Variants in NALF1 observed in about 807,000 individuals in gnomAD.
The protein encoded by NALF1 is NALCN channel auxiliary factor 1.
In NALF1, 3 loss-of-function variants were observed where a neutral mutation model predicts 48.4. That is an observed-to-expected ratio of 0.06 (90% CI 0.03 to 0.16). NALF1 has a LOEUF of 0.16. Among genes scored for constraint, NALF1 ranks in the 10% least tolerant of loss-of-function variants. NALF1 has a pLI of 1.00. For synonymous variants in NALF1, 262 were observed against 245.7 expected (o/e 1.07, Z -0.62); for missense variants, 526 against 571.5 (o/e 0.92, Z 0.81).
intron 1 of NALF1, among the ~76,000 whole-genome samples, chr13:107,268,919 G>T (rs182321248): frequency 6.6e-6 from 1 of 152,204 alleles, no homozygotes; most frequent in East Asian, 1.9e-4. Context: ...TTCTCTGAGG[G>T]TAGTTTATTT....
chr13:107,865,531 C>T, intron 1 of NALF1, 151 bp downstream of exon 1: 2 of 1,085,714 alleles, frequency 1.8e-6, no homozygotes, highest in Non-Finnish European at 2.6e-6. Context: ...GTATTCTCAT[C>T]TCAAACAGCA....
chr13:107,470,270 G>A (rs1885078783), intron 1 of NALF1, among the ~76,000 whole-genome samples: 1 of 152,154 alleles, frequency 6.6e-6, no homozygotes, highest in Non-Finnish European at 1.5e-5. Flanking sequence ...ACTTTAGTGA[G>A]GTAGCAGAGA....
At chr13:107,253,004 TTTC>T (rs1880734105) in intron 1 of NALF1, among the ~76,000 whole-genome samples, 1 of 152,210 alleles carries the variant, frequency 6.6e-6, no homozygotes, top group Non-Finnish European at 1.5e-5. Context: ...AATAACACAT[TTTC>T]TTTTTACATT....
At chr13:107,619,145 C>T (rs1321439597) in intron 1 of NALF1, among the ~76,000 whole-genome samples, 1 of 152,186 alleles carries the variant, frequency 6.6e-6, no homozygotes, top group Non-Finnish European at 1.5e-5. Flanking sequence ...TGGCAATAGC[C>T]GTGGTGTCTG....
In NALF1 at chr13:107,713,158, T is replaced by A. The variant is rs75752082; in HGVS notation, c.915+152524A>T. Among the ~76,000 whole-genome samples the A allele has an allele frequency of 2.8e-3, 432 of 152,346 alleles. 2 individuals are homozygous for A. Among genetic ancestry groups the A allele is most frequent in the African/African-American group, 1.0e-2 (415 of 41,578 alleles). ...AGCAAATTTTCTTCGGAAGTAGCTC[T>A]CTTAAATGGATCTTTTAGTTTAATT... On this transcript the variant is annotated intron_variant, in intron 1 of 2. Transcript: ENST00000375915.
intron 1 of NALF1, among the ~76,000 whole-genome samples, chr13:107,764,581 T>A (rs546664612): frequency 2.0e-5 from 3 of 152,288 alleles, no homozygotes; most frequent in Admixed American, 2.0e-4. Context: ...ATGAAGGGAA[T>A]ACTGAATATA....
intron 1 of NALF1, among the ~76,000 whole-genome samples, chr13:107,447,263 G>A (rs371250865): frequency 4.0e-5 from 6 of 150,738 alleles, no homozygotes; most frequent in East Asian, 3.9e-4. Flanking sequence ...TTGTTTATTT[G>A]TATTTATCTC....
At chr13:107,664,888 T>A (rs1566435693) in intron 1 of NALF1, among the ~76,000 whole-genome samples, 1 of 152,100 alleles carries the variant, frequency 6.6e-6, no homozygotes, top group Non-Finnish European at 1.5e-5. Context: ...TTTGTCCTCT[T>A]CTTCACATCC....
intron 1 of NALF1, among the ~76,000 whole-genome samples, chr13:107,696,910 C>T (rs1168068514): frequency 6.6e-6 from 1 of 152,028 alleles, no homozygotes; most frequent in Non-Finnish European, 1.5e-5. Flanking sequence ...ACGTATCATT[C>T]CTTAAAATTA....
intron 1 of NALF1, among the ~76,000 whole-genome samples, chr13:107,543,345 C>A (rs1192838231): frequency 6.6e-6 from 1 of 151,856 alleles, no homozygotes; most frequent in Non-Finnish European, 1.5e-5. Context: ...AACAAAAAAA[C>A]CACATGTCAT....
chr13:107,603,458 A>G (rs1347696107), intron 1 of NALF1, among the ~76,000 whole-genome samples: 1 of 152,176 alleles, frequency 6.6e-6, no homozygotes, highest in Non-Finnish European at 1.5e-5. Context: ...TTAGAGATAA[A>G]AGTCATCAAC....
At chr13:107,707,869 A>G (rs4113422) in intron 1 of NALF1, among the ~76,000 whole-genome samples, 129,855 of 151,750 alleles carry the variant, frequency 0.86, 56,223 homozygotes, top group Non-Finnish European at 0.93. Context: ...CTGATACTCT[A>G]TATTTTCTGT....
At chr13:107,629,578 A>T (rs940061486) in intron 1 of NALF1, among the ~76,000 whole-genome samples, 38 of 152,064 alleles carry the variant, frequency 2.5e-4, no homozygotes, top group African/African-American at 8.4e-4. Context: ...AAACCGTCTA[A>T]AACTCAGTAT....
chr13:107,429,214 C>G (rs967647880), intron 1 of NALF1, among the ~76,000 whole-genome samples: 56 of 151,430 alleles, frequency 3.7e-4, no homozygotes, highest in African/African-American at 1.3e-3. Flanking sequence ...CCCAGCTACT[C>G]AGGAGGCTGA....
At chr13:107,770,226 T>C (rs2138569362) in intron 1 of NALF1, among the ~76,000 whole-genome samples, 1 of 152,284 alleles carries the variant, frequency 6.6e-6, no homozygotes, top group Non-Finnish European at 1.5e-5. Context: ...TTTTGTTTTT[T>C]ATAATAATGA....
intron 1 of NALF1, among the ~76,000 whole-genome samples, chr13:107,608,694 T>C (rs370710122): frequency 6.6e-6 from 1 of 151,948 alleles, no homozygotes; most frequent in African/African-American, 2.4e-5. Flanking sequence ...AACTTGAAAA[T>C]TGAAGAGAAA....
intron 1 of NALF1, among the ~76,000 whole-genome samples, chr13:107,786,446 G>A (rs186896482): frequency 2.2e-5 from 3 of 134,308 alleles, no homozygotes; most frequent in East Asian, 3.1e-4. Context: ...AAAAAAAGCC[G>A]GGCGCGGTGG....
At chr13:107,631,392 T>G (rs1248465185) in intron 1 of NALF1, among the ~76,000 whole-genome samples, 1 of 152,172 alleles carries the variant, frequency 6.6e-6, no homozygotes, top group Admixed American at 6.5e-5. Context: ...TATAAAACTA[T>G]AATAATGAGT....
chr13:107,806,369 T>A (rs1411191098), intron 1 of NALF1, among the ~76,000 whole-genome samples: 1 of 152,032 alleles, frequency 6.6e-6, no homozygotes, highest in African/African-American at 2.4e-5. Context: ...TAGATCAAAT[T>A]AAAGAAATTA....
Sources: gnomAD v4.1 joint callset for allele counts (sites outside exome capture counted in the v4.1 genomes callset) on GRCh38, gnomAD v4.1.1 for gene constraint, MANE v1.5 for transcripts, NCBI Gene and HGNC (gene_info 2026-07-23, HGNC 2026-07-21) for gene names.